Variants in CCDC110 observed in about 807,000 individuals in gnomAD.
CCDC110 encodes coiled-coil domain-containing protein 110.
A neutral mutation model predicts 77.1 loss-of-function variants in CCDC110; 70 were observed. The observed-to-expected ratio is 0.91, with a 90% CI of 0.75 to 1.11. The LOEUF is 1.11. Ranked by LOEUF, CCDC110 falls within the 50% of genes least tolerant of loss-of-function variation. The pLI is 0.00. For missense variants in CCDC110, 868 were observed against 942.9 expected (o/e 0.92, Z 1.04); for synonymous variants, 295 against 312.5 (o/e 0.94, Z 0.59).
At chr4:185,449,551 G>T in intron 6 of CCDC110, 12 of 1,203,700 alleles carry the variant, frequency 1.0e-5, no homozygotes, top group South Asian at 2.8e-5. Context: ...ACAGGTATTT[G>T]ACTTGCACCT....
intron 4 of CCDC110, among the ~76,000 whole-genome samples, chr4:185,462,217 A>G (rs2095647689): frequency 6.6e-6 from 1 of 152,244 alleles, no homozygotes; most frequent in African/African-American, 2.4e-5. Context: ...AAGCAGAATC[A>G]GGATACAGAG....
At chr4:185,455,952 A>G (rs1194937772) in intron 6 of CCDC110, among the ~76,000 whole-genome samples, 1 of 152,148 alleles carries the variant, frequency 6.6e-6, no homozygotes, top group African/African-American at 2.4e-5. Context: ...TATAGAATGA[A>G]CAAATCAACT....
chr4:185,455,321 T>C (rs1340054728), intron 6 of CCDC110, among the ~76,000 whole-genome samples: 2 of 152,210 alleles, frequency 1.3e-5, no homozygotes, highest in Non-Finnish European at 2.9e-5. Context: ...ATATTTGATT[T>C]TCAGGATTTA....
rs1287684250 is a variant in CCDC110, at chr4:185,449,651, G to A, written c.2462-4109C>T. On this transcript the variant is annotated intron_variant, in intron 6 of 6. Transcript: ENST00000307588. ...TTCAGTACCATCCTATTAGCAACTG[G>A]AAGACAAGTAGCTTTCTAGATCTTA... 2.0e-6 allele frequency: 3 copies of A among 1,526,378 alleles called. No individual in the cohort carries two copies. In the East Asian group the frequency reaches 7.5e-5, roughly 38 times the overall value. 94.6% of individuals were successfully genotyped at this position (1,526,378 alleles called of 1,614,324 possible).
At chr4:185,455,864 A>C (rs1331511959) in intron 6 of CCDC110, among the ~76,000 whole-genome samples, 1 of 151,424 alleles carries the variant, frequency 6.6e-6, no homozygotes, top group South Asian at 2.1e-4. Context: ...GCCCGGGCTG[A>C]CAACAGTGAG....
At chr4:185,469,416 A>G (rs2095661827) in intron 2 of CCDC110, among the ~76,000 whole-genome samples, 2 of 152,346 alleles carry the variant, frequency 1.3e-5, no homozygotes, top group South Asian at 4.1e-4. Flanking sequence ...GCTATTTTGC[A>G]TGTAACTATT....
At chr4:185,457,702 T>TA in intron 6 of CCDC110, 1 of 1,065,548 alleles carries the variant, frequency 9.4e-7, no homozygotes, top group Non-Finnish European at 1.3e-6. Context: ...TCACATAATT[T>TA]AAAATTATTT....
chr4:185,471,469 A>G (rs1308820024), intron 1 of CCDC110: 1 of 515,016 alleles, frequency 1.9e-6, no homozygotes, highest in Non-Finnish European at 3.2e-6. Flanking sequence ...GCGGCAGACC[A>G]CGTAGCCAGC....
At chr4:185,452,877 A>C (rs185360280) in intron 6 of CCDC110, among the ~76,000 whole-genome samples, 65 of 136,628 alleles carry the variant, frequency 4.8e-4, no homozygotes, top group African/African-American at 1.7e-3. Flanking sequence ...CCTGGACGGC[A>C]GAGTGAGACT....
intron 2 of CCDC110, among the ~76,000 whole-genome samples, chr4:185,464,663 A>G (rs755425394): frequency 5.3e-5 from 8 of 152,160 alleles, no homozygotes; most frequent in Non-Finnish European, 1.2e-4. Context: ...GCCACCCACA[A>G]CGAACTGTTG....
chr4:185,466,007 A>G (rs771149968), intron 2 of CCDC110, among the ~76,000 whole-genome samples: 1 of 152,208 alleles, frequency 6.6e-6, no homozygotes, highest in African/African-American at 2.4e-5. Context: ...TCTGTTAAAC[A>G]TCAAAGAAGA....
intron 6 of CCDC110, among the ~76,000 whole-genome samples, chr4:185,447,487 T>C (rs575197755): frequency 6.6e-6 from 1 of 152,164 alleles, no homozygotes; most frequent in Non-Finnish European, 1.5e-5. Context: ...GCCGATTTTA[T>C]ATTTTTTCAA....
Position 185,458,635 on chromosome 4 carries a change from GA to G in CCDC110, c.1951del (p.Ser651LeufsTer30). On this transcript the variant is annotated frameshift_variant, in exon 6 of 7. Coordinates refer to ENST00000307588, the MANE Select transcript of CCDC110 (RefSeq NM_152775.4). LOFTEE classifies it high-confidence loss of function. The part of the protein sequence containing the change: ...KLNLETTLQE[S>X]TAARQIMERE... ...TTCCATAATTTGTCTGGCAGCAGTA[GA>G]TTCTTGTAATGTTGTTTCAAGGTTG... 6.2e-7 allele frequency: 1 copy of G among 1,608,550 alleles called. No homozygotes were observed. Among genetic ancestry groups the G allele is most frequent in the Non-Finnish European group, 8.5e-7 (1 of 1,179,582 alleles).
chr4:185,449,611 G>A, intron 6 of CCDC110: 1 of 1,542,664 alleles, frequency 6.5e-7, no homozygotes, highest in Non-Finnish European at 8.8e-7. Context: ...TAAATTCAAA[G>A]AACTACAAGA....
At chr4:185,469,101 C>T (rs1379216458) in intron 2 of CCDC110, among the ~76,000 whole-genome samples, 1 of 152,228 alleles carries the variant, frequency 6.6e-6, no homozygotes, top group Non-Finnish European at 1.5e-5. Flanking sequence ...GTTCTGAAAT[C>T]AGAGACACCT....
intron 6 of CCDC110, among the ~76,000 whole-genome samples, chr4:185,453,543 CT>C (rs70962570): frequency 0.17 from 22,233 of 130,874 alleles, 1,707 homozygotes; most frequent in South Asian, 0.19. Flanking sequence ...CACAGTCTTG[CT>C]TTTTTTTTTT....
Position 185,459,965 on chromosome 4 carries a change from G to T in CCDC110, c.622C>A (p.Pro208Thr). ...NNFYRFLPTA[P>T]PNVMSQADTV... The stretch of plus-strand genomic sequence containing the variant: ...TCAGCTTGAGACATCACATTTGGAG[G>T]TGCAGTAGGTAGAAAACGATAAAAG... The change falls in exon 6 of 7, where the codon CCT becomes ACT. Residue 208 changes from proline to threonine, a missense_variant. Transcript: ENST00000307588. The T allele has an allele frequency of 1.2e-6, 2 of 1,613,704 alleles. No homozygotes were observed. Among genetic ancestry groups the T allele is most frequent in the East Asian group, 2.2e-5 (1 of 44,832 alleles).
Position 185,459,276 on chromosome 4 carries a change from T to A in CCDC110, c.1311A>T (p.Glu437Asp). The A allele has an allele frequency of 6.2e-7, 1 of 1,613,102 alleles. No homozygotes were observed. The change falls in exon 6 of 7, where the codon GAA (glutamate) becomes GAT (aspartate). Residue 437 changes from glutamate (E) to aspartate (D), a missense_variant. Coordinates refer to ENST00000307588, the MANE Select transcript of CCDC110 (RefSeq NM_152775.4). Reference protein sequence around the residue: ...KIQYLQNYLKESVQIQKKVME... With the variant: ...KIQYLQNYLKDSVQIQKKVME... ...TTACTTTTTTCTGTATCTGCACAGA[T>A]TCTTTTAGGTAATTCTGTAAGTACT... is the stretch of plus-strand genomic sequence containing the variant.
rs1461078350 is a variant in CCDC110, at chr4:185,445,292, CTTGTAGAA to C, written c.*202_*209del. On this transcript the variant is annotated 3_prime_UTR_variant, in exon 7 of 7. Coordinates refer to ENST00000307588, the MANE Select transcript of CCDC110 (RefSeq NM_152775.4). ...TTCCATGTACAGGTACCTGCCCTCCCTTGTAGAAGTTCTCCCCCATCTTCTGAAATTCC... is the reference window on the plus strand; with the variant it reads ...TTCCATGTACAGGTACCTGCCCTCCCGTTCTCCCCCATCTTCTGAAATTCC... 1.4e-5 allele frequency: 10 copies of C among 724,822 alleles called. No individual in the cohort carries two copies. Among genetic ancestry groups the C allele is most frequent in the Non-Finnish European group, 2.0e-5 (9 of 450,980 alleles). 44.9% of individuals were successfully genotyped at this position (724,822 alleles called of 1,614,324 possible).
Sources: gnomAD v4.1 joint callset for allele counts (sites outside exome capture counted in the v4.1 genomes callset) on GRCh38, gnomAD v4.1.1 for gene constraint, MANE v1.5 for transcripts, NCBI Gene and HGNC (gene_info 2026-07-23, HGNC 2026-07-21) for gene names.